Variants in FOXP1 observed in about 807,000 individuals in gnomAD.
FOXP1 encodes forkhead box P1.
Under a neutral mutation model 98.2 loss-of-function variants are expected in FOXP1, and 15 were observed. The ratio of observed to expected loss-of-function variants is 0.15; its 90% confidence interval spans 0.10 to 0.24. FOXP1 has a LOEUF of 0.24. Ranked by LOEUF, FOXP1 falls within the 10% of genes least tolerant of loss-of-function variation. The probability of loss-of-function intolerance (pLI) is 1.00; values close to 1 mark genes in which losing one functional copy is unlikely to be tolerated. For missense variants in FOXP1, 633 were observed against 848.5 expected (o/e 0.75, Z 3.15); for synonymous variants, 371 against 314.5 (o/e 1.18, Z -1.90).
intron 11 of FOXP1, among the ~76,000 whole-genome samples, chr3:71,020,631 G>T (rs1031615301): frequency 2.6e-5 from 4 of 152,210 alleles, no homozygotes; most frequent in Admixed American, 1.3e-4. Context: ...AATTTCTGAA[G>T]GAGATGAAGC....
At chr3:71,146,104 A>G (rs2060295481) in intron 6 of FOXP1, among the ~76,000 whole-genome samples, 1 of 152,210 alleles carries the variant, frequency 6.6e-6, no homozygotes, top group East Asian at 1.9e-4. Context: ...CAGAGAGGGA[A>G]CAAACAGGAT....
chr3:71,396,941 T>C (rs1295104916), intron 3 of FOXP1, among the ~76,000 whole-genome samples: 1 of 77,608 alleles, frequency 1.3e-5, no homozygotes, highest in African/African-American at 5.7e-5. Flanking sequence ...TATACACATA[T>C]ATATATGTGT....
intron 4 of FOXP1, among the ~76,000 whole-genome samples, chr3:71,316,729 C>T (rs1483113933): frequency 1.3e-5 from 2 of 151,372 alleles, no homozygotes; most frequent in Non-Finnish European, 2.9e-5. Context: ...GCGATCTCAG[C>T]TCACGGCAAC....
At chr3:71,490,718 T>C (rs1312072017) in intron 3 of FOXP1, among the ~76,000 whole-genome samples, 1 of 152,208 alleles carries the variant, frequency 6.6e-6, no homozygotes, top group African/African-American at 2.4e-5. Context: ...GTTCTTCAGA[T>C]GGATTTTTCA....
At position 71,167,885 on chromosome 3, in the gene FOXP1, G is replaced by A. The variant is rs188874405; in HGVS notation, c.180+30317C>T. Among the ~76,000 whole-genome samples the A allele has an allele frequency of 9.9e-5, 15 of 152,238 alleles. No individual in the cohort carries two copies. The East Asian group carries it at 2.3e-3, about 24-fold the overall frequency. ...ACACTAAAAATTACTTACTTGTAGA[G>A]CTAACTTCTACACTCCTGCAATATG... is the stretch of plus-strand genomic sequence containing the variant. On this transcript the variant is annotated intron_variant, in intron 6 of 20. Coordinates refer to ENST00000649528, the MANE Select transcript of FOXP1 (RefSeq NM_001349338.3).
intron 6 of FOXP1, among the ~76,000 whole-genome samples, chr3:71,158,514 A>G (rs896672587): frequency 3.3e-5 from 5 of 152,176 alleles, no homozygotes; most frequent in Non-Finnish European, 5.9e-5. Flanking sequence ...CATGAAACCA[A>G]TGAGAGCTCA....
intron 5 of FOXP1, among the ~76,000 whole-genome samples, chr3:71,264,079 G>A (rs1477386676): frequency 6.6e-6 from 1 of 152,092 alleles, no homozygotes; most frequent in Non-Finnish European, 1.5e-5. Context: ...AAGGATATCT[G>A]TCTAGAGAAA....
At position 71,204,196 on chromosome 3, in the gene FOXP1, C is replaced by T. The variant is rs867315276; in HGVS notation, c.-11-5804G>A. ...ATTTAAAACCTTCAATAATCGTGTT[C>T]ATGCCACTGAGGAAAAAAGAAGACC... is the stretch of plus-strand genomic sequence containing the variant. On this transcript the variant is annotated intron_variant, in intron 5 of 20. Transcript: ENST00000649528. Among the ~76,000 whole-genome samples the T allele has an allele frequency of 1.5e-4, 23 of 152,274 alleles. 1 individual carries two copies. The Middle Eastern group carries it at 0.02, about 135-fold the overall frequency.
At chr3:71,164,065 C>T (rs1193198409) in intron 6 of FOXP1, among the ~76,000 whole-genome samples, 1 of 152,100 alleles carries the variant, frequency 6.6e-6, no homozygotes, top group Non-Finnish European at 1.5e-5. Flanking sequence ...AGTCCAATCC[C>T]CAAATAAAGA....
intron 11 of FOXP1, among the ~76,000 whole-genome samples, chr3:71,038,632 T>C (rs1406733113): frequency 6.6e-6 from 1 of 152,124 alleles, no homozygotes; most frequent in Non-Finnish European, 1.5e-5. Flanking sequence ...AGTATTTATA[T>C]GTATACGAAG....
At chr3:71,365,165 A>G (rs181335187) in intron 3 of FOXP1, among the ~76,000 whole-genome samples, 228 of 152,368 alleles carry the variant, frequency 1.5e-3, no homozygotes, top group African/African-American at 5.3e-3. Context: ...CACATAACAC[A>G]TTAAAATTTG....
intron 2 of FOXP1, chr3:71,581,144 G>C: frequency 1.0e-6 from 1 of 981,982 alleles, no homozygotes; most frequent in Non-Finnish European, 1.2e-6. Flanking sequence ...GAATTAAGAC[G>C]AAAGCATAGG....
At chr3:71,001,395 T>A (rs181113955) in intron 12 of FOXP1, among the ~76,000 whole-genome samples, 21 of 152,276 alleles carry the variant, frequency 1.4e-4, no homozygotes, top group Admixed American at 3.3e-4. Flanking sequence ...CTGCTAGGTA[T>A]TTCGGAAGAG....
At chr3:71,491,465 T>A (rs998881747) in intron 3 of FOXP1, among the ~76,000 whole-genome samples, 3 of 152,168 alleles carry the variant, frequency 2.0e-5, no homozygotes, top group Non-Finnish European at 2.9e-5. Flanking sequence ...AGTAAAAAGA[T>A]CAAAGATCAC....
chr3:71,136,808 G>C (rs556988014), intron 6 of FOXP1, among the ~76,000 whole-genome samples: 1 of 72,810 alleles, frequency 1.4e-5, no homozygotes, highest in Non-Finnish European at 3.1e-5. Context: ...TTCTTTCTCT[G>C]AGAAATACAA....
intron 6 of FOXP1, among the ~76,000 whole-genome samples, chr3:71,171,010 C>T (rs901536545): frequency 2.0e-5 from 3 of 152,120 alleles, no homozygotes; most frequent in Non-Finnish European, 4.4e-5. Context: ...TGATTCTTCA[C>T]CTAAAACTAA....
intron 5 of FOXP1, among the ~76,000 whole-genome samples, chr3:71,297,196 C>T (rs866550509): frequency 6.6e-6 from 1 of 152,184 alleles, no homozygotes; most frequent in South Asian, 2.1e-4. Context: ...ACAAGGGGGG[C>T]ATTATTTGCA....
chr3:71,187,255 A>C (rs1468831466), intron 6 of FOXP1, among the ~76,000 whole-genome samples: 1 of 152,260 alleles, frequency 6.6e-6, no homozygotes, highest in East Asian at 1.9e-4. Context: ...TGAATGTCAC[A>C]TACTCAGCTT....
At chr3:70,992,708 T>TTA (rs2040794759) in intron 13 of FOXP1, among the ~76,000 whole-genome samples, 1 of 152,190 alleles carries the variant, frequency 6.6e-6, no homozygotes, top group Admixed American at 6.5e-5. Context: ...TCTCTTGACA[T>TTA]TTAAAGCAGA....
Sources: gnomAD v4.1 joint callset for allele counts (sites outside exome capture counted in the v4.1 genomes callset) on GRCh38, gnomAD v4.1.1 for gene constraint, MANE v1.5 for transcripts, NCBI Gene and HGNC (gene_info 2026-07-23, HGNC 2026-07-21) for gene names.